PRSS23: variants seen among roughly 807,000 people sequenced by gnomAD.
PRSS23 encodes protease, serine 23.
In PRSS23, 25 loss-of-function variants were observed where a neutral mutation model predicts 34.7. That is an observed-to-expected ratio of 0.72 (90% CI 0.53 to 1.01). PRSS23 has a LOEUF of 1.01. Among genes scored for constraint, PRSS23 ranks in the 50% least tolerant of loss-of-function variants. The pLI, the probability that PRSS23 is intolerant of heterozygous loss-of-function variation, is 0.00. For missense variants in PRSS23, 445 were observed against 475.6 expected (o/e 0.94, Z 0.60); for synonymous variants, 176 against 186.6 (o/e 0.94, Z 0.46).
At chr11:86,951,018 G>T in intron 2 of PRSS23, 1 of 1,030,560 alleles carries the variant, frequency 9.7e-7, no homozygotes, top group Non-Finnish European at 1.5e-6. Flanking sequence ...GGTTGACGGG[G>T]GTCACTTAAT....
chr11:86,901,839 C>T (rs1259753903), intron 2 of PRSS23, among the ~76,000 whole-genome samples: 5 of 152,156 alleles, frequency 3.3e-5, no homozygotes, highest in Admixed American at 6.5e-5. Flanking sequence ...AATTTCCAGT[C>T]ATTCCTTTGG....
chr11:86,805,636 A>G (rs547554885), intron 1 of PRSS23, among the ~76,000 whole-genome samples: 2 of 152,208 alleles, frequency 1.3e-5, no homozygotes, highest in South Asian at 2.1e-4. Context: ...TCCTATCCCT[A>G]TTCTCCCTGA....
intron 2 of PRSS23, among the ~76,000 whole-genome samples, chr11:86,841,760 T>G (rs1450411315): frequency 2.6e-5 from 4 of 152,066 alleles, no homozygotes; most frequent in Non-Finnish European, 5.9e-5. Flanking sequence ...AATAGACCAA[T>G]AAGAAGGTCT....
intron 2 of PRSS23, among the ~76,000 whole-genome samples, chr11:86,864,857 C>A (rs1239839466): frequency 6.6e-6 from 1 of 152,222 alleles, no homozygotes; most frequent in African/African-American, 2.4e-5. Flanking sequence ...CAGCTAGCAT[C>A]TTCCAGTCTC....
chr11:86,874,896 A>G (rs561028148), intron 2 of PRSS23, among the ~76,000 whole-genome samples: 37 of 152,256 alleles, frequency 2.4e-4, no homozygotes, highest in African/African-American at 8.7e-4. Context: ...GGCTGGAAGG[A>G]CTTGAGGGCT....
intron 1 of PRSS23, among the ~76,000 whole-genome samples, chr11:86,805,859 G>A (rs1196757521): frequency 6.6e-6 from 1 of 152,220 alleles, no homozygotes; most frequent in African/African-American, 2.4e-5. Context: ...AACAGGAAGA[G>A]AATGAGAATA....
intron 2 of PRSS23, among the ~76,000 whole-genome samples, chr11:86,829,063 G>T (rs1178228945): frequency 6.6e-6 from 1 of 152,128 alleles, no homozygotes; most frequent in Non-Finnish European, 1.5e-5. Context: ...TTGGGAAGTT[G>T]TCCTGGATAA....
chr11:86,839,305 C>G (rs981815602), intron 2 of PRSS23, among the ~76,000 whole-genome samples: 2 of 152,104 alleles, frequency 1.3e-5, no homozygotes, highest in African/African-American at 4.8e-5. Flanking sequence ...CCTTAAATTA[C>G]CTGATGGAGC....
intron 1 of PRSS23, among the ~76,000 whole-genome samples, chr11:86,818,524 T>G (rs1162055365): frequency 6.6e-6 from 1 of 152,182 alleles, no homozygotes; most frequent in Non-Finnish European, 1.5e-5. Context: ...AATCAAAATT[T>G]TGAAATATCA....
chr11:86,823,341 T>G, intron 1 of PRSS23: 1 of 699,144 alleles, frequency 1.4e-6, no homozygotes. Context: ...AAGCCAGGAC[T>G]TTGAACTTGC....
chr11:86,884,698 A>C (rs748749259), intron 2 of PRSS23, among the ~76,000 whole-genome samples: 4 of 152,178 alleles, frequency 2.6e-5, no homozygotes, highest in Non-Finnish European at 4.4e-5. Context: ...AGCCTTCAAG[A>C]TACGGCCACT....
intron 2 of PRSS23, among the ~76,000 whole-genome samples, chr11:86,850,537 A>G (rs1277341084): frequency 2.0e-5 from 3 of 152,198 alleles, no homozygotes; most frequent in Non-Finnish European, 4.4e-5. Flanking sequence ...TTGAAGATAT[A>G]TGCTTGCTTA....
intron 2 of PRSS23, among the ~76,000 whole-genome samples, chr11:86,907,886 TC>T (rs200633320): frequency 5.9e-5 from 9 of 152,038 alleles, no homozygotes; most frequent in Middle Eastern, 3.2e-3. Flanking sequence ...GCTCTATTTT[TC>T]CCTACCCCCA....
intron 2 of PRSS23, among the ~76,000 whole-genome samples, chr11:86,925,545 G>C (rs1238467881): frequency 6.6e-6 from 1 of 152,126 alleles, no homozygotes; most frequent in Non-Finnish European, 1.5e-5. Flanking sequence ...CAGGCATGTA[G>C]CTCTCAATAA....
At chr11:86,848,632 C>T (rs1948505840) in intron 2 of PRSS23, among the ~76,000 whole-genome samples, 1 of 152,174 alleles carries the variant, frequency 6.6e-6, no homozygotes. Context: ...CCAACTTATT[C>T]TAAAGGATAA....
intron 1 of PRSS23, among the ~76,000 whole-genome samples, chr11:86,820,627 A>G (rs1948245142): frequency 6.6e-6 from 1 of 152,258 alleles, no homozygotes; most frequent in African/African-American, 2.4e-5. Flanking sequence ...ATAATTATAT[A>G]TGCATATCAA....
intron 2 of PRSS23, among the ~76,000 whole-genome samples, chr11:86,845,072 GA>G (rs1198164661): frequency 6.7e-6 from 1 of 149,432 alleles, no homozygotes; most frequent in Non-Finnish European, 1.5e-5. Flanking sequence ...TGGGTAACAA[GA>G]GTGAAACTCT....
chr11:86,800,726 G>T, intron 1 of PRSS23, 75 bp downstream of exon 1: 1 of 853,010 alleles, frequency 1.2e-6, no homozygotes, highest in Non-Finnish European at 1.4e-6. Context: ...GGGACAAAGG[G>T]CCGGGTATGC....
chr11:86,843,055 A>G (rs566077349), intron 2 of PRSS23, among the ~76,000 whole-genome samples: 16 of 152,322 alleles, frequency 1.1e-4, no homozygotes, highest in African/African-American at 3.8e-4. Context: ...ACAGCATGGT[A>G]CTGGTACCAA....
Sources: gnomAD v4.1 joint callset for allele counts (sites outside exome capture counted in the v4.1 genomes callset) on GRCh38, gnomAD v4.1.1 for gene constraint, MANE v1.5 for transcripts, NCBI Gene and HGNC (gene_info 2026-07-23, HGNC 2026-07-21) for gene names.